SMG6: variants seen among roughly 807,000 people sequenced by gnomAD.
SMG6 encodes SMG6 nonsense mediated mRNA decay factor.
In SMG6, 66 loss-of-function variants were observed where a neutral mutation model predicts 142.2. That is an observed-to-expected ratio of 0.46 (90% CI 0.38 to 0.57). The LOEUF (loss-of-function observed/expected upper bound fraction) is 0.57, where lower values mean the gene tolerates loss of function less well. SMG6 is among the 20% of genes least tolerant of loss of function. The pLI is 0.00. For synonymous variants in SMG6, 779 were observed against 702.4 expected, an observed-to-expected ratio of 1.11 and a Z score of -1.72; for missense variants, 1,793 against 1,832.0, an observed-to-expected ratio of 0.98 and a Z score of 0.39.
At chr17:2,229,661 T>C (rs2073415346) in intron 10 of SMG6, among the ~76,000 whole-genome samples, 1 of 152,172 alleles carries the variant, frequency 6.6e-6, no homozygotes. Context: ...CATGGAGTCA[T>C]TGCTGTGGTT....
rs186363574 is a variant in SMG6, at chr17:2,091,977, T to C, written c.3358-6076A>G. ...GATTACAGGCGTGAGCCACTGCGCC[T>C]GGCCCCTTTTTCTTTTTTTTTTTTT... On this transcript the variant is annotated intron_variant, in intron 13 of 18. Transcript: ENST00000263073. Among the ~76,000 whole-genome samples the C allele has an allele frequency of 4.0e-3, 598 of 151,380 alleles. 5 individuals are homozygous for C. Among genetic ancestry groups the C allele is most frequent in the African/African-American group, 0.014 (564 of 41,154 alleles).
chr17:2,085,658 C>T lies in SMG6; in HGVS notation c.3534+67G>A. The T allele has an allele frequency of 6.7e-7, 1 of 1,489,264 alleles. No individual in the cohort carries two copies. The allele number at this position is 1,489,264 out of a possible 1,614,324, so 92.3% of individuals were successfully genotyped here. ...GCTCATAAATAAGCAGGAGGAAAAG[C>T]TGAAGCCACGAGCAGAATGGGGAGG... On this transcript the variant is annotated intron_variant, in intron 14 of 18. Transcript: ENST00000263073. The surrounding 1 kb of genome is among the most constrained non-coding windows in gnomAD (Gnocchi z 4.1).
chr17:2,102,480 C>G lies in SMG6; in HGVS notation c.3358-16579G>C, dbSNP rs60287824. The stretch of plus-strand genomic sequence containing the variant: ...CAAGTGATCTTCCCGCCTCAGCCTC[C>G]CAAGTAGCTGGGACTACAGGCGTGG... On this transcript the variant is annotated intron_variant, in intron 13 of 18. Coordinates refer to ENST00000263073, the MANE Select transcript of SMG6 (RefSeq NM_017575.5). Among the ~76,000 whole-genome samples the G allele has an allele frequency of 1.6e-3, 236 of 151,820 alleles. 2 individuals are homozygous for G. The highest frequency in any genetic ancestry group is 5.2e-3 in the African/African-American group (216 of 41,352).
At position 2,175,588 on chromosome 17, in the gene SMG6, G is replaced by A. The variant is rs533697280; in HGVS notation, c.3156-2729C>T. ...CCACTAGGGACCCCTGCCCACATAC[G>A]CCTTTTTGCCCATTACCACCCACCT... On this transcript the variant is annotated intron_variant, in intron 12 of 18. Transcript: ENST00000263073. Among the ~76,000 whole-genome samples the A allele has an allele frequency of 4.2e-5, 6 of 143,670 alleles. No homozygotes were observed. The South Asian group carries it at 8.8e-4, about 21-fold the overall frequency. 94.3% of individuals were successfully genotyped at this position (143,670 alleles called of 152,430 possible).
chr17:2,085,890 A>G lies in SMG6; in HGVS notation c.3369T>C (p.Ala1123=). ...VEKTSDKVIA[A]DCKRVTVLKY... is the part of the protein sequence containing the mutation. The stretch of plus-strand genomic sequence containing the variant: ...TCAGCACTGTGACCCTTTTGCAGTC[A>G]GCTGCAATAACCTACAGGGTGAGAG... The change falls in exon 14 of 19, where the codon GCT becomes GCC. Residue 1123 remains alanine (A), a synonymous_variant. Coordinates refer to ENST00000263073, the MANE Select transcript of SMG6 (RefSeq NM_017575.5). The surrounding 1 kb of genome is among the most constrained non-coding windows in gnomAD (Gnocchi z 4.1). 6.2e-7 allele frequency: 1 copy of G among 1,614,142 alleles called. No individual in the cohort carries two copies. The highest frequency in any genetic ancestry group is 1.1e-5 in the South Asian group (1 of 91,080).
intron 10 of SMG6, chr17:2,212,653 C>T (rs2072900070): frequency 6.6e-6 from 1 of 152,262 alleles, no homozygotes; most frequent in Non-Finnish European, 1.5e-5. Flanking sequence ...AGGCACCAAC[C>T]CTTCATAGGC....
intron 13 of SMG6, among the ~76,000 whole-genome samples, chr17:2,114,463 ACTGT>A (rs1241020716): frequency 2.0e-5 from 3 of 152,204 alleles, no homozygotes; most frequent in African/African-American, 4.8e-5. Flanking sequence ...ACTTTGGGAA[ACTGT>A]CTGCAAGTCT....
intron 13 of SMG6, among the ~76,000 whole-genome samples, chr17:2,090,976 T>A (rs2068700539): frequency 6.6e-6 from 1 of 152,244 alleles, no homozygotes; most frequent in Non-Finnish European, 1.5e-5. Context: ...GCTGCTTGGC[T>A]GGCTTCTGAG....
intron 13 of SMG6, among the ~76,000 whole-genome samples, chr17:2,102,821 C>A (rs2069048772): frequency 6.6e-6 from 1 of 152,172 alleles, no homozygotes; most frequent in Non-Finnish European, 1.5e-5. Context: ...GCCTCTGTAG[C>A]CACCATCCTA....
chr17:2,264,093 C>T (rs1049937591), intron 8 of SMG6, among the ~76,000 whole-genome samples: 1 of 86,536 alleles, frequency 1.2e-5, no homozygotes. Flanking sequence ...GTAACATCAC[C>T]TCACTACTCC....
At chr17:2,187,811 G>A (rs1485272932) in intron 11 of SMG6, among the ~76,000 whole-genome samples, 18 of 151,870 alleles carry the variant, frequency 1.2e-4, no homozygotes, top group Non-Finnish European at 1.5e-5. Flanking sequence ...GGGTGACAGT[G>A]GGGTCTCATT....
chr17:2,242,689 TAAAAAAAAAAAAAAAA>T (rs57079220), intron 9 of SMG6, among the ~76,000 whole-genome samples: 565 of 55,912 alleles, frequency 0.01, 7 homozygotes, highest in Middle Eastern at 0.041. Context: ...TCCATCTCTT[TAAAAAAAAAAAAAAAA>T]AAAAAAAAAA....
At chr17:2,112,400 C>G (rs1373140205) in intron 13 of SMG6, among the ~76,000 whole-genome samples, 1 of 150,726 alleles carries the variant, frequency 6.6e-6, no homozygotes, top group African/African-American at 2.4e-5. Context: ...CCCAGCTACT[C>G]GGGAGGCTGA....
At chr17:2,073,885 C>G (rs565204707) in intron 15 of SMG6, among the ~76,000 whole-genome samples, 1 of 151,670 alleles carries the variant, frequency 6.6e-6, no homozygotes, top group South Asian at 2.1e-4. Flanking sequence ...TTGAGACCAG[C>G]ATGGACAATA....
chr17:2,112,524 A>AT (rs1451187338), intron 13 of SMG6, among the ~76,000 whole-genome samples: 1 of 139,714 alleles, frequency 7.2e-6, no homozygotes, highest in African/African-American at 2.6e-5. Context: ...AATAAAATAA[A>AT]AAATAAATAA....
At chr17:2,180,247 G>A (rs1390557336) in intron 12 of SMG6, among the ~76,000 whole-genome samples, 1 of 152,226 alleles carries the variant, frequency 6.6e-6, no homozygotes, top group Non-Finnish European at 1.5e-5. Context: ...GATGGGGCAA[G>A]TAGGTGGGCC....
chr17:2,241,241 A>C lies in SMG6; in HGVS notation c.2723+3417T>G, dbSNP rs560006330. 1.4e-3 allele frequency among the ~76,000 whole-genome samples: 208 copies of C among 152,304 alleles called. 2 individuals are homozygous for C. The highest frequency in any genetic ancestry group is 2.1e-3 in the Non-Finnish European group (146 of 68,022). ...AAAGAGATCCTGAAAAATAACCTGG[A>C]ACACAGTAAACCACCTCAGACAAAT... On this transcript the variant is annotated intron_variant, in intron 9 of 18. Coordinates refer to ENST00000263073, the MANE Select transcript of SMG6 (RefSeq NM_017575.5).
intron 8 of SMG6, among the ~76,000 whole-genome samples, chr17:2,247,744 T>C (rs80294678): frequency 4.0e-4 from 60 of 149,756 alleles, no homozygotes; most frequent in Admixed American, 1.4e-3. Context: ...GATTGCTCCA[T>C]TGCACCCCAG....
At chr17:2,196,361 G>C (rs2151710123) in intron 10 of SMG6, among the ~76,000 whole-genome samples, 1 of 152,332 alleles carries the variant, frequency 6.6e-6, no homozygotes, top group East Asian at 1.9e-4. Flanking sequence ...CCAGGAGGCG[G>C]AGGTTGCAGT....
Sources: allele counts gnomAD v4.1 joint callset (sites outside exome capture counted in the v4.1 genomes callset), GRCh38; gene constraint gnomAD v4.1.1; non-coding constraint Gnocchi (gnomAD v3.1); transcripts MANE v1.5; gene names NCBI Gene and HGNC (gene_info 2026-07-23, HGNC 2026-07-21).